SGCZ: variants seen among roughly 807,000 people sequenced by gnomAD.
SGCZ encodes sarcoglycan zeta.
A neutral mutation model predicts 41.3 loss-of-function variants in SGCZ; 40 were observed. The observed-to-expected ratio is 0.97, with a 90% CI of 0.75 to 1.26. The LOEUF is 1.26. SGCZ is among the 50% of genes most tolerant of loss of function. The pLI is 0.00. For missense variants in SGCZ, 552 were observed against 369.8 expected (o/e 1.49, Z -4.04); for synonymous variants, 206 against 137.5 (o/e 1.50, Z -3.49).
At chr8:14,462,940 C>G (rs887351316) in intron 2 of SGCZ, among the ~76,000 whole-genome samples, 4 of 151,284 alleles carry the variant, frequency 2.6e-5, no homozygotes, top group African/African-American at 9.7e-5. Context: ...TTCATTATTT[C>G]TGATGCTATT....
At chr8:14,868,288 C>T (rs1288198015) in intron 1 of SGCZ, among the ~76,000 whole-genome samples, 1 of 152,166 alleles carries the variant, frequency 6.6e-6, no homozygotes, top group Non-Finnish European at 1.5e-5. Context: ...TCAAATCTTG[C>T]ATCTTCTGTG....
intron 1 of SGCZ, among the ~76,000 whole-genome samples, chr8:15,031,907 C>CAA (rs1803681160): frequency 7.7e-6 from 1 of 129,932 alleles, no homozygotes; most frequent in Non-Finnish European, 1.5e-5. Flanking sequence ...ATATTCCTCT[C>CAA]TCTCTCTCTC....
chr8:14,415,825 T>G (rs980589115), intron 2 of SGCZ, among the ~76,000 whole-genome samples: 1 of 152,062 alleles, frequency 6.6e-6, no homozygotes, highest in South Asian at 2.1e-4. Context: ...TTACAGATGA[T>G]CAGTGCATTG....
intron 1 of SGCZ, among the ~76,000 whole-genome samples, chr8:14,971,091 A>G (rs1279420206): frequency 6.6e-6 from 1 of 152,206 alleles, no homozygotes; most frequent in African/African-American, 2.4e-5. Context: ...AGTTTATGAA[A>G]ATACAATTGA....
chr8:15,177,856 C>T (rs1282483516), intron 1 of SGCZ, among the ~76,000 whole-genome samples: 1 of 152,190 alleles, frequency 6.6e-6, no homozygotes, highest in Non-Finnish European at 1.5e-5. Flanking sequence ...CCAGTCTAGA[C>T]ACTTGGGGAA....
rs370451320 is a variant in SGCZ at position 14,851,097 on chromosome 8, C to T, written c.40-296171G>A. ...TAAAGAATGTATTCAAGGCTGGGCG[C>T]AGTGGCTCACACCTGTAATCCCAGC... On this transcript the variant is annotated intron_variant, in intron 1 of 7. Coordinates refer to ENST00000382080, the MANE Select transcript of SGCZ (RefSeq NM_139167.4). Among the ~76,000 whole-genome samples the T allele has an allele frequency of 3.9e-5, 6 of 152,188 alleles. 1 individual carries two copies. Among genetic ancestry groups the T allele is most frequent in the South Asian group, 4.1e-4 (2 of 4,826 alleles).
intron 1 of SGCZ, among the ~76,000 whole-genome samples, chr8:14,924,848 T>C (rs1056056120): frequency 2.1e-5 from 3 of 143,104 alleles, no homozygotes; most frequent in African/African-American, 8.0e-5. Flanking sequence ...TATCTAGGAA[T>C]TTAAGACTTT....
At chr8:14,415,355 G>A (rs955607198) in intron 2 of SGCZ, among the ~76,000 whole-genome samples, 7 of 151,688 alleles carry the variant, frequency 4.6e-5, no homozygotes, top group African/African-American at 1.7e-4. Context: ...TTTTCTCACT[G>A]TAAAAATTAT....
At chr8:14,411,124 C>T (rs1013343440) in intron 2 of SGCZ, among the ~76,000 whole-genome samples, 1 of 151,976 alleles carries the variant, frequency 6.6e-6, no homozygotes, top group African/African-American at 2.4e-5. Context: ...CCAACCAATG[C>T]GTTTTGTTTC....
chr8:14,404,629 C>T (rs1799162454), intron 2 of SGCZ, among the ~76,000 whole-genome samples: 1 of 152,106 alleles, frequency 6.6e-6, no homozygotes, highest in African/African-American at 2.4e-5. Context: ...TTAATAAGGG[C>T]ATTTGACTTT....
intron 2 of SGCZ, among the ~76,000 whole-genome samples, chr8:14,434,872 G>A (rs1292059200): frequency 6.6e-6 from 1 of 152,098 alleles, no homozygotes; most frequent in African/African-American, 2.4e-5. Flanking sequence ...AAGGCTACAT[G>A]TAGTGAGCTG....
At chr8:15,126,013 G>A (rs1009253130) in intron 1 of SGCZ, among the ~76,000 whole-genome samples, 2 of 152,168 alleles carry the variant, frequency 1.3e-5, no homozygotes, top group Non-Finnish European at 2.9e-5. Context: ...GGGCGTGCTA[G>A]TGCGCACCTG....
intron 2 of SGCZ, among the ~76,000 whole-genome samples, chr8:14,345,261 A>G (rs1802855742): frequency 6.6e-6 from 1 of 152,124 alleles, no homozygotes; most frequent in African/African-American, 2.4e-5. Flanking sequence ...GAAATCTTAA[A>G]AAGAATGGCA....
At chr8:14,251,141 T>C (rs566236404) in intron 3 of SGCZ, among the ~76,000 whole-genome samples, 6 of 152,180 alleles carry the variant, frequency 3.9e-5, no homozygotes, top group East Asian at 3.9e-4. Flanking sequence ...GGCAAGAGAA[T>C]TGCTTGAACT....
intron 1 of SGCZ, among the ~76,000 whole-genome samples, chr8:14,890,242 G>A (rs1804963359): frequency 6.7e-6 from 1 of 148,614 alleles, no homozygotes; most frequent in African/African-American, 2.5e-5. Flanking sequence ...AAGAGAGAGA[G>A]AAAGAGAGAA....
At chr8:14,638,634 C>G (rs766976188) in intron 1 of SGCZ, among the ~76,000 whole-genome samples, 1 of 151,740 alleles carries the variant, frequency 6.6e-6, no homozygotes, top group Non-Finnish European at 1.5e-5. Flanking sequence ...TGAGAATCTC[C>G]TTTTCTCAGG....
At chr8:14,592,455 C>G (rs761208065) in intron 1 of SGCZ, among the ~76,000 whole-genome samples, 4 of 152,030 alleles carry the variant, frequency 2.6e-5, no homozygotes, top group Non-Finnish European at 4.4e-5. Context: ...AATTGGCATT[C>G]TAATGTAATT....
intron 1 of SGCZ, among the ~76,000 whole-genome samples, chr8:15,211,032 T>TATAGAC (rs1801219097): frequency 6.7e-6 from 1 of 149,136 alleles, no homozygotes; most frequent in African/African-American, 2.5e-5. Context: ...TATATACATA[T>TATAGAC]ATAGATATAG....
At chr8:15,094,146 T>C (rs1043323462) in intron 1 of SGCZ, among the ~76,000 whole-genome samples, 4 of 152,132 alleles carry the variant, frequency 2.6e-5, no homozygotes, top group African/African-American at 9.7e-5. Context: ...TTTAAATTTT[T>C]TTTTTTGAGA....
Sources: gnomAD v4.1 joint callset for allele counts (sites outside exome capture counted in the v4.1 genomes callset) on GRCh38, gnomAD v4.1.1 for gene constraint, MANE v1.5 for transcripts, NCBI Gene and HGNC (gene_info 2026-07-23, HGNC 2026-07-21) for gene names.